Variants in HNMT observed in about 807,000 individuals in gnomAD.
The protein encoded by HNMT is histamine N-methyltransferase.
A neutral mutation model predicts 32.1 loss-of-function variants in HNMT; 30 were observed. The ratio of observed to expected loss-of-function variants is 0.93; its 90% CI spans 0.70 to 1.27. HNMT has a LOEUF of 1.27. HNMT is among the 50% of genes most tolerant of loss of function. HNMT has a pLI of 0.00. For synonymous variants in HNMT, 125 were observed against 119.0 expected, an observed-to-expected ratio of 1.05 and a Z score of -0.33; for missense variants, 327 against 346.0, an observed-to-expected ratio of 0.95 and a Z score of 0.43.
At chr2:137,976,301 A>G (rs1378787843) in intron 2 of HNMT, among the ~76,000 whole-genome samples, 6 of 150,350 alleles carry the variant, frequency 4.0e-5, no homozygotes, top group Admixed American at 2.7e-4. Context: ...AAACCTGTCT[A>G]TAAATAGAAA....
chr2:137,986,400 G>A (rs1403869256), intron 2 of HNMT, among the ~76,000 whole-genome samples: 1 of 152,140 alleles, frequency 6.6e-6, no homozygotes, highest in African/African-American at 2.4e-5. Context: ...CTCAAAGCCA[G>A]CAGGCCTGAA....
chr2:138,001,921 C>T (rs562341879), intron 3 of HNMT, 143 bp from the exon 4 acceptor site: 192 of 519,490 alleles, frequency 3.7e-4, no homozygotes, highest in African/African-American at 3.3e-3. Flanking sequence ...AGTATGAACT[C>T]TCTGGTCTCC....
intron 2 of HNMT, among the ~76,000 whole-genome samples, chr2:137,974,624 G>C (rs3100700): frequency 0.96 from 146,172 of 152,214 alleles, 70,441 homozygotes; most frequent in East Asian, 1. Flanking sequence ...ATCTGTCCCA[G>C]TGTTTGGTTC....
chr2:137,991,736 A>G (rs1184758280), intron 2 of HNMT: 4 of 152,238 alleles, frequency 2.6e-5, no homozygotes, highest in African/African-American at 9.6e-5. Context: ...ATATAGCTAG[A>G]TATAGAAGTA....
At chr2:137,988,379 A>G (rs1256424577) in intron 2 of HNMT, among the ~76,000 whole-genome samples, 1 of 152,184 alleles carries the variant, frequency 6.6e-6, no homozygotes, top group East Asian at 1.9e-4. Context: ...CAGAATTGAG[A>G]AAGTAAACTT....
intron 2 of HNMT, among the ~76,000 whole-genome samples, chr2:137,993,711 A>C (rs1402376253): frequency 6.6e-6 from 1 of 152,172 alleles, no homozygotes; most frequent in African/African-American, 2.4e-5. Flanking sequence ...ATTCAACCCC[A>C]AGACACATAA....
At chr2:137,973,972 C>T (rs1680210218) in intron 2 of HNMT, among the ~76,000 whole-genome samples, 1 of 151,986 alleles carries the variant, frequency 6.6e-6, no homozygotes. Context: ...TATTAGGGCT[C>T]TGAGAAGTTC....
At chr2:137,978,821 T>G (rs1312955532) in intron 2 of HNMT, among the ~76,000 whole-genome samples, 1 of 139,682 alleles carries the variant, frequency 7.2e-6, no homozygotes, top group Non-Finnish European at 1.5e-5. Context: ...TATATAATAC[T>G]TTATAATTAT....
At chr2:137,983,964 T>A (rs1398957354) in intron 2 of HNMT, among the ~76,000 whole-genome samples, 1 of 152,198 alleles carries the variant, frequency 6.6e-6, no homozygotes, top group Non-Finnish European at 1.5e-5. Context: ...GGTGACCTAT[T>A]CTGGTTTCCC....
rs1680075153 is a variant in HNMT at position 137,970,088 on chromosome 2, T to C, written c.138-77T>C. ...TTCATTGTATTTTTAGTCTGTTCTC[T>C]TCAACTAGACTAGATAATCAGATTT... On this transcript the variant is annotated intron_variant, in intron 1 of 5. Coordinates refer to ENST00000280097, the MANE Select transcript of HNMT (RefSeq NM_006895.3). The C allele has an allele frequency of 4.0e-6, 3 of 747,258 alleles. No individual in the cohort carries two copies. In the Admixed American group the frequency reaches 7.3e-5, roughly 18 times the overall value. 46.3% of individuals were successfully genotyped at this position (747,258 alleles called of 1,614,324 possible). A position where few individuals can be genotyped will look rare whatever the true frequency, so the allele number is the denominator to read the frequency against.
intron 2 of HNMT, among the ~76,000 whole-genome samples, chr2:137,974,771 A>C (rs1235197620): frequency 1.3e-5 from 2 of 152,228 alleles, no homozygotes; most frequent in Non-Finnish European, 2.9e-5. Flanking sequence ...TTGCTATACC[A>C]ATAATTGTAT....
chr2:137,992,748 G>T (rs988266186), intron 2 of HNMT, among the ~76,000 whole-genome samples: 1 of 152,148 alleles, frequency 6.6e-6, no homozygotes, highest in Non-Finnish European at 1.5e-5. Flanking sequence ...CTCCAATAGA[G>T]GTTGTCAGAC....
At chr2:137,970,244 A>G (rs772848354) in intron 2 of HNMT, 27 bp downstream of exon 2, 6 of 1,287,982 alleles carry the variant, frequency 4.7e-6, no homozygotes, top group Admixed American at 2.1e-5. Context: ...TTTAAAGTTC[A>G]TATTTCACTT....
At position 137,970,223 on chromosome 2, in the gene HNMT, A is replaced by G; in HGVS notation, c.190+6A>G. The G allele has an allele frequency of 6.7e-7, 1 of 1,494,314 alleles. No individual in the cohort carries two copies. Among genetic ancestry groups the G allele is most frequent in the Non-Finnish European group, 9.2e-7 (1 of 1,086,532 alleles). The allele number at this position is 1,494,314 out of a possible 1,614,324, so 92.6% of individuals were successfully genotyped here. On this transcript the variant is annotated splice_donor_region_variant and intron_variant, in intron 2 of 5. Transcript: ENST00000280097. ...AAGCATAGGCGGAGGTGCAGGTATG[A>G]GTAATATATTTTTAAAGTTCATATT...
At chr2:137,997,501 A>G (rs1681032480) in intron 2 of HNMT, among the ~76,000 whole-genome samples, 1 of 152,238 alleles carries the variant, frequency 6.6e-6, no homozygotes, top group African/African-American at 2.4e-5. Flanking sequence ...CAGAATGGCA[A>G]TTATTAAAAC....
intron 5 of HNMT, among the ~76,000 whole-genome samples, chr2:138,005,904 C>T (rs1458605185): frequency 6.7e-6 from 1 of 148,484 alleles, no homozygotes; most frequent in Non-Finnish European, 1.5e-5. Flanking sequence ...GGATTTTCTA[C>T]CAGTACTTAC....
At chr2:137,997,118 G>A (rs934501680) in intron 2 of HNMT, among the ~76,000 whole-genome samples, 2 of 152,186 alleles carry the variant, frequency 1.3e-5, no homozygotes, top group African/African-American at 4.8e-5. Flanking sequence ...CATGGGCAAA[G>A]ACTTCATGAC....
chr2:137,970,940 AGAAAGAAAG>A (rs1263159618), intron 2 of HNMT, among the ~76,000 whole-genome samples: 1,630 of 8,592 alleles, frequency 0.19, 214 homozygotes, highest in African/African-American at 0.29. Context: ...AAAAAAAGAA[AGAAAGAAAG>A]AAAGAAAGAA....
chr2:137,998,998 C>T (rs1343735010), intron 2 of HNMT, among the ~76,000 whole-genome samples: 2 of 152,068 alleles, frequency 1.3e-5, no homozygotes, highest in South Asian at 2.1e-4. Context: ...CTTTTTTTCC[C>T]TTCAGAATAG....
Sources: allele counts gnomAD v4.1 joint callset (sites outside exome capture counted in the v4.1 genomes callset), GRCh38; gene constraint gnomAD v4.1.1; transcripts MANE v1.5; gene names NCBI Gene and HGNC (gene_info 2026-07-23, HGNC 2026-07-21).